AK5: variants seen among roughly 807,000 people sequenced by gnomAD.
AK5 encodes adenylate kinase 5.
Under a neutral mutation model 69.5 loss-of-function variants are expected in AK5, and 27 were observed. The ratio of observed to expected loss-of-function variants is 0.39; its 90% CI spans 0.29 to 0.54. The LOEUF (loss-of-function observed/expected upper bound fraction) is 0.54, where lower values mean the gene tolerates loss of function less well. Among genes scored for constraint, AK5 ranks in the 20% least tolerant of loss-of-function variants. The pLI is 0.71. For missense variants in AK5, 531 were observed against 700.4 expected, an observed-to-expected ratio of 0.76 and a Z score of 2.73; for synonymous variants, 260 against 244.4, an observed-to-expected ratio of 1.06 and a Z score of -0.60.
intron 10 of AK5, among the ~76,000 whole-genome samples, chr1:77,514,990 C>T (rs561623684): frequency 6.6e-6 from 1 of 152,316 alleles, no homozygotes; most frequent in South Asian, 2.1e-4. Context: ...CCTGGAAGCA[C>T]CACTTCTCCA....
At chr1:77,462,335 GGA>G (rs1653895505) in intron 8 of AK5, among the ~76,000 whole-genome samples, 8 of 152,132 alleles carry the variant, frequency 5.3e-5, no homozygotes, top group Admixed American at 3.3e-4. Context: ...ATGGATGGAT[GGA>G]TGGATGGATA....
chr1:77,283,743 GT>G (rs201279401), intron 1 of AK5: 68 of 496,946 alleles, frequency 1.4e-4, no homozygotes, highest in Non-Finnish European at 1.6e-4. Flanking sequence ...CTTAAGAGTT[GT>G]TTTTTTTGTT....
intron 10 of AK5, among the ~76,000 whole-genome samples, chr1:77,505,325 A>T (rs1324886374): frequency 6.6e-6 from 1 of 152,220 alleles, no homozygotes; most frequent in African/African-American, 2.4e-5. Context: ...TCCATCAACA[A>T]GCTTATTTTC....
chr1:77,401,625 C>T (rs1474458864), intron 6 of AK5, among the ~76,000 whole-genome samples: 1 of 152,138 alleles, frequency 6.6e-6, no homozygotes, highest in Admixed American at 6.5e-5. Context: ...TAGGGTGTCT[C>T]ATAGACATAA....
chr1:77,523,074 CATTG>C (rs1418920339), intron 12 of AK5, among the ~76,000 whole-genome samples: 1 of 152,130 alleles, frequency 6.6e-6, no homozygotes, highest in Non-Finnish European at 1.5e-5. Flanking sequence ...CTTCTAGTAA[CATTG>C]ATTGAGGTGA....
intron 6 of AK5, among the ~76,000 whole-genome samples, chr1:77,345,044 G>A (rs1334939798): frequency 6.7e-6 from 1 of 150,216 alleles, no homozygotes; most frequent in South Asian, 2.1e-4. Context: ...TTTCCAGAAT[G>A]CATTCAAAAC....
At chr1:77,344,832 T>C (rs928223691) in intron 6 of AK5, among the ~76,000 whole-genome samples, 17 of 152,278 alleles carry the variant, frequency 1.1e-4, no homozygotes, top group Middle Eastern at 3.4e-3. Context: ...CAGTATTTAC[T>C]GTACCCAATG....
chr1:77,441,028 C>T (rs1418014829), intron 8 of AK5, among the ~76,000 whole-genome samples: 1 of 152,152 alleles, frequency 6.6e-6, no homozygotes, highest in African/African-American at 2.4e-5. Context: ...AGATTACAGG[C>T]GTGAGCCACC....
chr1:77,457,504 A>G (rs1453534235), intron 8 of AK5, among the ~76,000 whole-genome samples: 14 of 151,894 alleles, frequency 9.2e-5, no homozygotes, highest in Non-Finnish European at 2.1e-4. Context: ...CATCTGTTCT[A>G]TTGAGTTTAT....
rs560131482 is a variant in AK5 at position 77,312,399 on chromosome 1, G to A, written c.699+14452G>A. Among the ~76,000 whole-genome samples the A allele has an allele frequency of 5.9e-5, 9 of 152,220 alleles. No homozygotes were observed. The South Asian group carries it at 1.2e-3, about 21-fold the overall frequency. On this transcript the variant is annotated intron_variant, in intron 5 of 13. Transcript: ENST00000354567. ...GGAGGCCGAGGCAGGTGGATGACTTGAGGTCAGGAGTTCAAGACCAGGCTG... is the reference window on the plus strand; with the variant it reads ...GGAGGCCGAGGCAGGTGGATGACTTAAGGTCAGGAGTTCAAGACCAGGCTG...
chr1:77,323,192 AT>A (rs762477888), intron 5 of AK5, among the ~76,000 whole-genome samples: 91 of 152,134 alleles, frequency 6.0e-4, no homozygotes, highest in Non-Finnish European at 1.1e-3. Context: ...GAGTTTCGCC[AT>A]GTTGGCCGGA....
chr1:77,389,725 G>A (rs187649564), intron 6 of AK5, among the ~76,000 whole-genome samples: 1 of 152,156 alleles, frequency 6.6e-6, no homozygotes, highest in Non-Finnish European at 1.5e-5. Flanking sequence ...ACTTTGGGAC[G>A]CTGAGACAGA....
intron 2 of AK5, among the ~76,000 whole-genome samples, chr1:77,287,764 G>A (rs796350261): frequency 5.9e-5 from 9 of 152,308 alleles, no homozygotes; most frequent in African/African-American, 9.6e-5. Context: ...TATAGATATC[G>A]GAAGTGAGGT....
At chr1:77,554,764 C>G (rs1412124308) in intron 13 of AK5, among the ~76,000 whole-genome samples, 2 of 138,616 alleles carry the variant, frequency 1.4e-5, no homozygotes, top group Admixed American at 1.6e-4. Flanking sequence ...CGCCACCATG[C>G]CCGGCTATTT....
chr1:77,446,302 C>T (rs374112400), intron 8 of AK5, among the ~76,000 whole-genome samples: 2 of 152,256 alleles, frequency 1.3e-5, no homozygotes, highest in South Asian at 2.1e-4. Context: ...TGTTTTTATG[C>T]CAGTATCCTA....
At chr1:77,436,065 T>G (rs529810292) in intron 8 of AK5, among the ~76,000 whole-genome samples, 5 of 152,314 alleles carry the variant, frequency 3.3e-5, no homozygotes, top group African/African-American at 4.8e-5. Context: ...GTTCCCTTGT[T>G]ATTTTGAAAA....
chr1:77,368,245 A>ATATATATATATTTTATATATAT (rs376578923), intron 6 of AK5, among the ~76,000 whole-genome samples: 4 of 67,902 alleles, frequency 5.9e-5, no homozygotes, highest in East Asian at 7.8e-4. Context: ...ATATATATAT[A>ATATATATATATTTTATATATAT]TATATATAAT....
intron 6 of AK5, among the ~76,000 whole-genome samples, chr1:77,383,254 A>G (rs1282277668): frequency 6.6e-6 from 1 of 152,180 alleles, no homozygotes; most frequent in East Asian, 1.9e-4. Flanking sequence ...ACAAAAATAT[A>G]TTACACACAT....
intron 6 of AK5, among the ~76,000 whole-genome samples, chr1:77,359,129 C>T (rs1173490958): frequency 6.6e-6 from 1 of 151,798 alleles, no homozygotes; most frequent in African/African-American, 2.4e-5. Context: ...GTGGTGGGTG[C>T]CTGTAGTCCC....
Sources: gnomAD v4.1 joint callset for allele counts (sites outside exome capture counted in the v4.1 genomes callset) on GRCh38, gnomAD v4.1.1 for gene constraint, MANE v1.5 for transcripts, NCBI Gene and HGNC (gene_info 2026-07-23, HGNC 2026-07-21) for gene names.